The following KIF17 variants were observed in gnomAD, a reference collection of about 807,000 sequenced individuals.
KIF17 encodes kinesin family member 17.
A neutral mutation model predicts 96.8 loss-of-function variants in KIF17; 80 were observed. The observed-to-expected ratio is 0.83, with a 90% CI of 0.69 to 1.00. KIF17 has a LOEUF of 1.00. KIF17 is among the 50% of genes least tolerant of loss of function. KIF17 has a pLI of 0.00. For missense variants in KIF17, 1,280 were observed against 1,372.9 expected, an observed-to-expected ratio of 0.93 and a Z score of 1.07; for synonymous variants, 567 against 587.5, an observed-to-expected ratio of 0.97 and a Z score of 0.51.
Position 20,686,118 on chromosome 1 carries a change from C to T in KIF17, c.1947G>A (p.Ala649=), listed in dbSNP as rs1312272885. The change falls in exon 9 of 15, where the codon GCG becomes GCA. Residue 649 remains alanine (A), a synonymous_variant. Transcript: ENST00000400463. ...CACTGGGCTCCAGCAGGTCTGTCGG[C>T]GCAGGGACCTGGGAGGAAAGAGGGG... ...DVPKVPVQVP[A]PTDLLEPSDA... is the part of the protein sequence containing the mutation. 9.6e-6 allele frequency: 15 copies of T among 1,566,790 alleles called. No individual in the cohort carries two copies. Among genetic ancestry groups the T allele is most frequent in the East Asian group, 2.4e-5 (1 of 42,432 alleles).
At chr1:20,714,696 C>A (rs1557608627) in intron 2 of KIF17, among the ~76,000 whole-genome samples, 2 of 149,036 alleles carry the variant, frequency 1.3e-5, no homozygotes, top group African/African-American at 5.0e-5. Context: ...ACTCGGGAAG[C>A]TGAGGCAGGA....
In KIF17 at chr1:20,664,282, C is replaced by T; in HGVS notation, c.*302G>A. 1.5e-6 allele frequency: 2 copies of T among 1,291,302 alleles called. No homozygotes were observed. Among genetic ancestry groups the T allele is most frequent in the Non-Finnish European group, 2.0e-6 (2 of 1,001,124 alleles). The allele number at this position is 1,291,302 out of a possible 1,614,324, so 80.0% of individuals were successfully genotyped here. ...CAGGTCTCAGGCTTTGAGGCAAAGA[C>T]CAACACTGGTGGGCATGGGTGTGGG... On this transcript the variant is annotated 3_prime_UTR_variant, in exon 15 of 15. Coordinates refer to ENST00000400463, the MANE Select transcript of KIF17 (RefSeq NM_001122819.3).
In KIF17 at chr1:20,704,717, C is replaced by A. The variant is rs777648602; in HGVS notation, c.853G>T (p.Val285Phe). The A allele has an allele frequency of 1.2e-6, 2 of 1,613,602 alleles. No individual in the cohort carries two copies. Among genetic ancestry groups the A allele is most frequent in the Admixed American group, 3.3e-5 (2 of 60,020 alleles). ...GTCAGCTTCGAGTCACGGTAGGGGA[C>A]GTGCTTACAGCGCCCGTCCACCAGC... ...SALVDGRCKH[V>F]PYRDSKLTRL... The change falls in exon 5 of 15, where the codon GTC becomes TTC. Residue 285 changes from valine (V) to phenylalanine (F), a missense_variant. Physicochemically the swap from Val to Phe is conservative, Grantham distance 50. Coordinates refer to ENST00000400463, the MANE Select transcript of KIF17 (RefSeq NM_001122819.3). This position sits in a 1 kb window ranked among gnomAD's most constrained non-coding sequence, Gnocchi z 6.8.
At position 20,684,931 on chromosome 1, in the gene KIF17, C is replaced by G. The variant is rs1341905587; in HGVS notation, c.2109G>C (p.Leu703=). Residue 703 remains leucine (L), a synonymous_variant, in exon 10 of 15, where the codon CTG becomes CTC. Transcript: ENST00000400463. The part of the protein sequence containing the change: ...VWLEAQAPVA[L]VAQPEPLPAT... ...CCGGCAGGGGCTCAGGCTGAGCCAC[C>G]AGGGCCACCGGGGCCTGAGCCTCCA... 1 of 1,599,822 alleles carries G rather than the reference C, an allele frequency of 6.3e-7. No homozygotes were observed. Among genetic ancestry groups the G allele is most frequent in the Non-Finnish European group, 8.5e-7 (1 of 1,173,766 alleles).
chr1:20,702,467 C>T (rs1273760504), intron 5 of KIF17, among the ~76,000 whole-genome samples: 2 of 152,152 alleles, frequency 1.3e-5, no homozygotes, highest in Non-Finnish European at 1.5e-5. Context: ...TTCCCCCTTA[C>T]CAATCTTGGG....
intron 7 of KIF17, among the ~76,000 whole-genome samples, 160 bp downstream of exon 7, chr1:20,690,028 T>C (rs923119451): frequency 7.9e-5 from 12 of 152,336 alleles, no homozygotes; most frequent in Non-Finnish European, 1.8e-4. Context: ...CTCATCTATA[T>C]AGCGAGCATA....
chr1:20,714,308 CAG>C (rs1327988923), intron 2 of KIF17, among the ~76,000 whole-genome samples: 10 of 150,218 alleles, frequency 6.7e-5, no homozygotes, highest in Non-Finnish European at 8.9e-5. Context: ...GCCTGGACAA[CAG>C]AGCGAGACTC....
chr1:20,712,459 G>A (rs952305497), intron 3 of KIF17, among the ~76,000 whole-genome samples: 3 of 148,416 alleles, frequency 2.0e-5, no homozygotes, highest in Non-Finnish European at 4.5e-5. Context: ...AGCTACCGGG[G>A]GCGCTGAGGT....
intron 10 of KIF17, 85 bp from the exon 11 acceptor site, chr1:20,682,969 G>C: frequency 1.7e-6 from 2 of 1,204,132 alleles, no homozygotes; most frequent in South Asian, 1.3e-5. Flanking sequence ...GGCTATGCGT[G>C]GGCCCCCCAG....
downstream of KIF17, among the ~76,000 whole-genome samples, chr1:20,662,432 C>G (rs2154534539): frequency 6.6e-6 from 1 of 152,294 alleles, no homozygotes; most frequent in African/African-American, 2.4e-5. Flanking sequence ...CACTTGTCCA[C>G]CAACCCAAGA....
At position 20,709,308 on chromosome 1, in the gene KIF17, G is replaced by A. The variant is rs990389260; in HGVS notation, c.670+331C>T. On this transcript the variant is annotated intron_variant, in intron 4 of 14. Transcript: ENST00000400463. The surrounding 1 kb of genome is among the most constrained non-coding windows in gnomAD (Gnocchi z 4.7). Reference sequence around the variant, plus strand: ...AGGTGGGAGGCTCGCCCGAGCCTGGGAGGCAGAGGTTGCAGTGAGCCGAGA... The same window carrying A: ...AGGTGGGAGGCTCGCCCGAGCCTGGAAGGCAGAGGTTGCAGTGAGCCGAGA... Among the ~76,000 whole-genome samples the A allele has an allele frequency of 1.3e-5, 2 of 150,672 alleles. No homozygotes were observed. The highest frequency in any genetic ancestry group is 3.0e-5 in the Non-Finnish European group (2 of 67,540).
At chr1:20,682,099 C>T (rs570475223) in intron 11 of KIF17, among the ~76,000 whole-genome samples, 7 of 152,266 alleles carry the variant, frequency 4.6e-5, no homozygotes, top group South Asian at 2.1e-4. Flanking sequence ...CTTACACACA[C>T]GCACACCCAC....
At chr1:20,701,233 C>A (rs1030436203) in intron 5 of KIF17, among the ~76,000 whole-genome samples, 22 of 152,128 alleles carry the variant, frequency 1.4e-4, no homozygotes, top group Non-Finnish European at 2.9e-4. Context: ...TGATTGAGAC[C>A]ATCCTGGCTA....
intron 11 of KIF17, among the ~76,000 whole-genome samples, chr1:20,682,177 T>C (rs781328102): frequency 7.9e-5 from 12 of 151,030 alleles, no homozygotes; most frequent in South Asian, 2.1e-4. Context: ...TGCACACACA[T>C]ACAACATACC....
At chr1:20,665,776 A>C (rs2053516091) in intron 14 of KIF17, among the ~76,000 whole-genome samples, 1 of 152,254 alleles carries the variant, frequency 6.6e-6, no homozygotes, top group South Asian at 2.1e-4. Flanking sequence ...GATAAAATGA[A>C]GTGATGCTTA....
At position 20,717,575 on chromosome 1, in the gene KIF17, G is replaced by A. The variant is rs765924737; in HGVS notation, c.132C>T (p.Ala44=). 4 of 1,611,668 alleles carry A rather than the reference G, an allele frequency of 2.5e-6. No individual in the cohort carries two copies. Among genetic ancestry groups the A allele is most frequent in the Admixed American group, 3.3e-5 (2 of 59,984 alleles). Residue 44 remains alanine, a synonymous_variant, in exon 1 of 15, where the codon GCC becomes GCT. Coordinates refer to ENST00000400463, the MANE Select transcript of KIF17 (RefSeq NM_001122819.3). The stretch of plus-strand genomic sequence containing the variant: ...TGAACTGCTTGGGCGGCTCGTCGGC[G>A]GCGCCCGGGTTCTGGATGCAGCACT... ...RAQCCIQNPG[A]ADEPPKQFTF...
rs1292396194 is a variant in KIF17 at position 20,688,019 on chromosome 1, G to A, written c.1382-75C>T. ...ACCCTTCCCTAGAAGGTGGCTCCAA[G>A]CCCAGTGTGTTGTTTTTTTTGTTTG... On this transcript the variant is annotated intron_variant, in intron 7 of 14. Coordinates refer to ENST00000400463, the MANE Select transcript of KIF17 (RefSeq NM_001122819.3). 3.2e-6 allele frequency: 4 copies of A among 1,262,798 alleles called. No individual in the cohort carries two copies. In the African/African-American group the frequency reaches 4.4e-5, roughly 14 times the overall value. The allele number at this position is 1,262,798 out of a possible 1,614,324, so 78.2% of individuals were successfully genotyped here. A position where few individuals can be genotyped will look rare whatever the true frequency, so the allele number is the denominator to read the frequency against.
At chr1:20,675,930 C>T in intron 11 of KIF17, among the ~76,000 whole-genome samples, 1 of 152,132 alleles carries the variant, frequency 6.6e-6, no homozygotes, top group South Asian at 2.1e-4. Flanking sequence ...ATCCCAGCTA[C>T]TCAGGAGGCT....
At chr1:20,684,756 G>A in intron 10 of KIF17, 53 bp downstream of exon 10, 2 of 1,505,080 alleles carry the variant, frequency 1.3e-6, no homozygotes, top group Non-Finnish European at 9.0e-7. Flanking sequence ...CTGGAAGGCA[G>A]CCCCTTCCCA....
Sources: gnomAD v4.1 joint callset for allele counts (sites outside exome capture counted in the v4.1 genomes callset) on GRCh38, gnomAD v4.1.1 for gene constraint, Gnocchi (gnomAD v3.1) non-coding constraint, MANE v1.5 for transcripts, NCBI Gene and HGNC (gene_info 2026-07-23, HGNC 2026-07-21) for gene names.